Variants in GABRB1 observed in about 807,000 individuals in gnomAD.
GABRB1 encodes gamma-aminobutyric acid receptor subunit beta-1.
A neutral mutation model predicts 51.6 loss-of-function variants in GABRB1; 17 were observed. The observed-to-expected ratio is 0.33, with a 90% CI of 0.23 to 0.49. GABRB1 has a LOEUF of 0.49. GABRB1 is among the 20% of genes least tolerant of loss of function. The probability of loss-of-function intolerance (pLI) is 0.99; values close to 1 mark genes in which losing one functional copy is unlikely to be tolerated. For missense variants in GABRB1, 410 were observed against 600.6 expected (o/e 0.68, Z 3.32); for synonymous variants, 247 against 218.9 (o/e 1.13, Z -1.14).
intron 3 of GABRB1, among the ~76,000 whole-genome samples, chr4:47,047,401 A>G (rs1362295352): frequency 6.6e-6 from 1 of 152,134 alleles, no homozygotes; most frequent in East Asian, 1.9e-4. Context: ...ATATATCATT[A>G]TTATCCCTAT....
chr4:47,116,117 G>T (rs1343349546), intron 3 of GABRB1, among the ~76,000 whole-genome samples: 3 of 152,178 alleles, frequency 2.0e-5, no homozygotes, highest in African/African-American at 7.2e-5. Flanking sequence ...TTACTTGCTA[G>T]TTGTATTTAA....
chr4:47,169,944 A>G (rs1718369077), intron 4 of GABRB1, among the ~76,000 whole-genome samples: 1 of 152,204 alleles, frequency 6.6e-6, no homozygotes, highest in African/African-American at 2.4e-5. Flanking sequence ...CATTATAGAA[A>G]TGAAACTAAC....
chr4:47,310,415 A>G (rs982321037), intron 4 of GABRB1, among the ~76,000 whole-genome samples: 1 of 152,218 alleles, frequency 6.6e-6, no homozygotes, highest in Admixed American at 6.5e-5. Context: ...ATCATTTTAT[A>G]CTCACTATGT....
chr4:47,317,927 T>C (rs2109960408), intron 4 of GABRB1, among the ~76,000 whole-genome samples: 1 of 152,130 alleles, frequency 6.6e-6, no homozygotes, highest in East Asian at 1.9e-4. Context: ...ATAATCCTTT[T>C]AATGTGCTAT....
intron 3 of GABRB1, 58 bp downstream of exon 3, chr4:47,032,542 G>A (rs1398976702): frequency 6.6e-7 from 1 of 1,517,388 alleles, no homozygotes; most frequent in East Asian, 2.3e-5. Flanking sequence ...AAATGGACAG[G>A]TCCCTTTGCC....
intron 3 of GABRB1, among the ~76,000 whole-genome samples, chr4:47,153,706 C>T (rs1287931871): frequency 2.0e-5 from 3 of 151,962 alleles, no homozygotes; most frequent in Non-Finnish European, 4.4e-5. Flanking sequence ...GATTATCATT[C>T]AGTGTAGCAT....
intron 4 of GABRB1, among the ~76,000 whole-genome samples, chr4:47,306,650 C>T (rs1250681419): frequency 6.6e-6 from 1 of 152,038 alleles, no homozygotes; most frequent in Non-Finnish European, 1.5e-5. Flanking sequence ...TAAAAATTTG[C>T]TACACATATG....
intron 4 of GABRB1, among the ~76,000 whole-genome samples, chr4:47,245,330 T>C (rs568509272): frequency 1.3e-5 from 2 of 152,324 alleles, no homozygotes; most frequent in East Asian, 3.9e-4. Flanking sequence ...TTTGTTCAGA[T>C]AGCCTAACAG....
At chr4:47,245,831 T>C (rs529277515) in intron 4 of GABRB1, among the ~76,000 whole-genome samples, 29 of 151,406 alleles carry the variant, frequency 1.9e-4, no homozygotes, top group South Asian at 8.3e-4. Context: ...TTCTTTCTTT[T>C]TTTTTTTTTT....
At chr4:47,090,450 A>G (rs747393800) in intron 3 of GABRB1, among the ~76,000 whole-genome samples, 1 of 152,228 alleles carries the variant, frequency 6.6e-6, no homozygotes, top group Non-Finnish European at 1.5e-5. Context: ...AAAATCACTC[A>G]AATTTAAACA....
At chr4:47,420,474 C>A (rs142224537) in intron 8 of GABRB1, among the ~76,000 whole-genome samples, 24 of 152,276 alleles carry the variant, frequency 1.6e-4, no homozygotes, top group African/African-American at 5.1e-4. Flanking sequence ...CTATACCTGC[C>A]TTAGAAATCC....
intron 4 of GABRB1, among the ~76,000 whole-genome samples, chr4:47,308,973 CA>C (rs1246263513): frequency 6.6e-6 from 1 of 152,116 alleles, no homozygotes; most frequent in Non-Finnish European, 1.5e-5. Flanking sequence ...TCCTAATAAT[CA>C]AGACGATAAG....
At chr4:47,309,782 G>T (rs947701020) in intron 4 of GABRB1, among the ~76,000 whole-genome samples, 1 of 152,000 alleles carries the variant, frequency 6.6e-6, no homozygotes, top group Non-Finnish European at 1.5e-5. Flanking sequence ...GTCATTATGG[G>T]TCATTTTTTC....
At chr4:47,159,261 G>A (rs1717833864) in intron 3 of GABRB1, among the ~76,000 whole-genome samples, 1 of 151,926 alleles carries the variant, frequency 6.6e-6, no homozygotes, top group Admixed American at 6.6e-5. Context: ...CAGCCAGGAT[G>A]GCCAAGTGAG....
chr4:47,106,892 C>A (rs1714994791), intron 3 of GABRB1, among the ~76,000 whole-genome samples: 1 of 152,086 alleles, frequency 6.6e-6, no homozygotes. Context: ...TGGCCTAGCC[C>A]TGTTCTGAAC....
rs189972083 is a variant in GABRB1 at position 47,400,990 on chromosome 4, A to G, written c.545-2328A>G. ...GTCACCCAGGCTGGAGTGCAATGGCACGATCTCCGCTCACTGCAAGCTCCG... is the reference window on the plus strand; with the variant it reads ...GTCACCCAGGCTGGAGTGCAATGGCGCGATCTCCGCTCACTGCAAGCTCCG... On this transcript the variant is annotated intron_variant, in intron 5 of 8. Transcript: ENST00000295454. Among the ~76,000 whole-genome samples, 698 of 132,824 alleles carry G rather than the reference A, an allele frequency of 5.3e-3. 6 individuals carry two copies. Among genetic ancestry groups the G allele is most frequent in the African/African-American group, 0.019 (639 of 34,208 alleles). The allele number at this position is 132,824 out of a possible 152,430, so 87.1% of individuals were successfully genotyped here.
chr4:47,154,257 GTTTT>G (rs66516518), intron 3 of GABRB1, among the ~76,000 whole-genome samples: 1 of 137,436 alleles, frequency 7.3e-6, no homozygotes, highest in African/African-American at 2.7e-5. Context: ...AATTATGGTT[GTTTT>G]TTTTTTTTTT....
intron 4 of GABRB1, among the ~76,000 whole-genome samples, chr4:47,241,866 T>A (rs1027263726): frequency 6.6e-6 from 1 of 152,120 alleles, no homozygotes; most frequent in East Asian, 1.9e-4. Context: ...AGGTTTTTTT[T>A]ATCATTTCTT....
intron 5 of GABRB1, among the ~76,000 whole-genome samples, chr4:47,383,775 T>G (rs1335631717): frequency 3.9e-5 from 6 of 152,172 alleles, no homozygotes; most frequent in Non-Finnish European, 8.8e-5. Flanking sequence ...TTTTTTATAG[T>G]TACTTTAGTA....
Sources: gnomAD v4.1 joint callset for allele counts (sites outside exome capture counted in the v4.1 genomes callset) on GRCh38, gnomAD v4.1.1 for gene constraint, MANE v1.5 for transcripts, NCBI Gene and HGNC (gene_info 2026-07-23, HGNC 2026-07-21) for gene names.